The following XXYLT1 variants were observed in gnomAD, a reference collection of about 807,000 sequenced individuals.
The protein encoded by XXYLT1 is xyloside xylosyltransferase 1, also known as UDP-xylose:alpha-xyloside alpha-1,3-xylosyltransferase.
XXYLT1 carries 20 observed loss-of-function variants against 28.9 expected under a neutral mutation model. The ratio of observed to expected loss-of-function variants is 0.69; its 90% CI spans 0.49 to 1.00. The LOEUF (loss-of-function observed/expected upper bound fraction) is 1.00. XXYLT1 is among the 50% of genes least tolerant of loss of function. XXYLT1 has a pLI of 0.00. For synonymous variants in XXYLT1, 257 were observed against 253.8 expected (o/e 1.01, Z -0.12); for missense variants, 542 against 560.1 (o/e 0.97, Z 0.33).
chr3:195,261,154 C>T (rs1003044421), intron 1 of XXYLT1, among the ~76,000 whole-genome samples: 15 of 152,358 alleles, frequency 9.8e-5, no homozygotes, highest in Non-Finnish European at 1.5e-4. Context: ...CTGAACAGGC[C>T]GGGCGCGGTG....
rs376617200 is a variant in XXYLT1, at chr3:195,156,471, G to A, written c.763C>T (p.Arg255Trp). The change falls in exon 3 of 4, where the codon CGG (arginine) becomes TGG (tryptophan). Residue 255 changes from arginine (R) to tryptophan (W), a missense_variant. Physicochemically the swap from Arg to Trp is moderately radical, Grantham distance 101. Transcript: ENST00000310380. ...FLPGAIIGIAREMQPVYRHTF... is the reference protein window; with the variant it reads ...FLPGAIIGIAWEMQPVYRHTF... ...CACCTGTAAACTGGCTGCATCTCCCGGGCTATGCCGATGATGGCGCCTGGC... is the reference window on the plus strand; with the variant it reads ...CACCTGTAAACTGGCTGCATCTCCCAGGCTATGCCGATGATGGCGCCTGGC... The A allele has an allele frequency of 2.9e-5, 46 of 1,614,010 alleles. No individual in the cohort carries two copies. Among genetic ancestry groups the A allele is most frequent in the Admixed American group, 1.0e-4 (6 of 60,004 alleles).
chr3:195,205,307 G>A (rs1448903783), intron 2 of XXYLT1, among the ~76,000 whole-genome samples: 3 of 152,144 alleles, frequency 2.0e-5, no homozygotes, highest in Admixed American at 6.5e-5. Context: ...TGGTATATTC[G>A]CATGATGAAA....
At chr3:195,088,195 G>A (rs1371921630) in intron 3 of XXYLT1, among the ~76,000 whole-genome samples, 11 of 151,648 alleles carry the variant, frequency 7.3e-5, no homozygotes, top group East Asian at 3.9e-4. Flanking sequence ...AGCTCAAGGA[G>A]GCCTGCCTGC....
chr3:195,211,012 C>A (rs997841885), intron 2 of XXYLT1, among the ~76,000 whole-genome samples: 1 of 152,226 alleles, frequency 6.6e-6, no homozygotes, highest in African/African-American at 2.4e-5. Context: ...CTGGTTGTGA[C>A]TAACCCTAAG....
intron 2 of XXYLT1, among the ~76,000 whole-genome samples, chr3:195,181,498 T>A (rs1166329110): frequency 1.3e-5 from 2 of 152,230 alleles, no homozygotes; most frequent in Admixed American, 1.3e-4. Context: ...TGATAATAGA[T>A]ATCCACAATC....
chr3:195,100,766 C>A (rs1022111228), intron 3 of XXYLT1, among the ~76,000 whole-genome samples: 4 of 152,212 alleles, frequency 2.6e-5, no homozygotes, highest in African/African-American at 9.7e-5. Context: ...CGCCCCCAAG[C>A]CTTGGACTAT....
At chr3:195,148,366 TA>T (rs1328197960) in intron 3 of XXYLT1, among the ~76,000 whole-genome samples, 1 of 152,160 alleles carries the variant, frequency 6.6e-6, no homozygotes, top group African/African-American at 2.4e-5. Context: ...AAGGAATCAC[TA>T]TTTTAAAAGG....
chr3:195,249,379 C>G (rs955487968), intron 1 of XXYLT1, among the ~76,000 whole-genome samples: 1 of 152,232 alleles, frequency 6.6e-6, no homozygotes, highest in African/African-American at 2.4e-5. Context: ...GCATACGGCT[C>G]ACATCAGCAC....
At chr3:195,098,073 A>G (rs75610701) in intron 3 of XXYLT1, among the ~76,000 whole-genome samples, 1,546 of 152,284 alleles carry the variant, frequency 0.01, 20 homozygotes, top group African/African-American at 0.036. Flanking sequence ...ATGATTCCAC[A>G]CACAGGAAAT....
At chr3:195,153,024 G>C (rs7651863) in intron 3 of XXYLT1, among the ~76,000 whole-genome samples, 7,707 of 152,304 alleles carry the variant, frequency 0.051, 678 homozygotes, top group African/African-American at 0.18. Flanking sequence ...GGCAAGAGGG[G>C]ACCTCTGTGG....
chr3:195,127,948 G>C (rs370632988), intron 3 of XXYLT1, among the ~76,000 whole-genome samples: 1 of 152,200 alleles, frequency 6.6e-6, no homozygotes, highest in Non-Finnish European at 1.5e-5. Flanking sequence ...GGCTGACATA[G>C]TATCAGAGCT....
At chr3:195,111,905 C>CA (rs1352357879) in intron 3 of XXYLT1, among the ~76,000 whole-genome samples, 1 of 152,186 alleles carries the variant, frequency 6.6e-6, no homozygotes, top group Non-Finnish European at 1.5e-5. Context: ...CATTTGCTCG[C>CA]CCCAATCGTG....
intron 2 of XXYLT1, among the ~76,000 whole-genome samples, chr3:195,212,767 A>C (rs1039223249): frequency 6.6e-6 from 1 of 152,050 alleles, no homozygotes; most frequent in Non-Finnish European, 1.5e-5. Context: ...CCACTGAAAA[A>C]CTGTCTTCTG....
In XXYLT1 at chr3:195,257,533, G is replaced by C. The variant is rs1039321440; in HGVS notation, c.504+13022C>G. On this transcript the variant is annotated intron_variant, in intron 1 of 3. Transcript: ENST00000310380. This position sits in a 1 kb window ranked among gnomAD's most constrained non-coding sequence, Gnocchi z 4.3. ...TCCGGGGAAGAAGCCCCTGAGCAAA[G>C]TCCCAGAGATGGGAAGTGGCCGGGG... Among the ~76,000 whole-genome samples the C allele has an allele frequency of 3.9e-5, 6 of 152,180 alleles. No individual in the cohort carries two copies. The highest frequency in any genetic ancestry group is 1.4e-4 in the African/African-American group (6 of 41,442).
intron 1 of XXYLT1, among the ~76,000 whole-genome samples, chr3:195,242,949 G>T (rs893616748): frequency 2.0e-5 from 3 of 152,134 alleles, no homozygotes; most frequent in Non-Finnish European, 4.4e-5. Flanking sequence ...AAAAGAGATG[G>T]TTCGGCAACC....
chr3:195,164,568 C>G (rs1346225683), intron 2 of XXYLT1, among the ~76,000 whole-genome samples: 1 of 152,250 alleles, frequency 6.6e-6, no homozygotes, highest in Admixed American at 6.5e-5. Context: ...CAAGGAGGAC[C>G]AGGCCAGAGG....
In XXYLT1 at chr3:195,240,969, G is replaced by A. The variant is rs1374687246; in HGVS notation, c.505-14113C>T. 6.6e-6 allele frequency among the ~76,000 whole-genome samples: 1 copy of A among 152,230 alleles called. No individual in the cohort carries two copies. The highest frequency in any genetic ancestry group is 1.9e-4 in the East Asian group (1 of 5,196). On this transcript the variant is annotated intron_variant, in intron 1 of 3. Coordinates refer to ENST00000310380, the MANE Select transcript of XXYLT1 (RefSeq NM_152531.5). This position sits in a 1 kb window ranked among gnomAD's most constrained non-coding sequence, Gnocchi z 4.7. ...CTAAAACGCTCCAAACCTATAGGTA[G>A]ATCAAACACAATTCTGAACGGAAGA... is the stretch of plus-strand genomic sequence containing the variant.
chr3:195,120,276 G>T (rs1718281821), intron 3 of XXYLT1, among the ~76,000 whole-genome samples: 1 of 96,570 alleles, frequency 1.0e-5, no homozygotes. Flanking sequence ...GCCCTCTGCT[G>T]CTCAGATGCC....
intron 3 of XXYLT1, among the ~76,000 whole-genome samples, chr3:195,128,840 A>C (rs1028922443): frequency 5.9e-5 from 9 of 152,268 alleles, no homozygotes; most frequent in African/African-American, 1.9e-4. Context: ...GTCTCTTCAA[A>C]TCTTAAAACA....
Sources: allele counts gnomAD v4.1 joint callset (sites outside exome capture counted in the v4.1 genomes callset), GRCh38; gene constraint gnomAD v4.1.1; non-coding constraint Gnocchi (gnomAD v3.1); transcripts MANE v1.5; gene names NCBI Gene and HGNC (gene_info 2026-07-23, HGNC 2026-07-21).